The following LRRTM4 variants were observed in gnomAD, a reference collection of about 807,000 sequenced individuals.
LRRTM4 encodes the protein leucine rich repeat transmembrane neuronal 4.
LRRTM4 carries 25 observed loss-of-function variants against 47.6 expected under a neutral mutation model. That is an observed-to-expected ratio of 0.53 (90% CI 0.38 to 0.73). LRRTM4 has a LOEUF of 0.73. LRRTM4 is among the 30% of genes least tolerant of loss of function. The probability of loss-of-function intolerance (pLI) is 0.00; values close to 1 mark genes in which losing one functional copy is unlikely to be tolerated. For missense variants in LRRTM4, 638 were observed against 713.4 expected (o/e 0.89, Z 1.20); for synonymous variants, 311 against 269.5 (o/e 1.15, Z -1.51).
intron 3 of LRRTM4, among the ~76,000 whole-genome samples, chr2:77,161,350 T>C (rs951612464): frequency 3.3e-5 from 5 of 152,138 alleles, no homozygotes; most frequent in African/African-American, 1.2e-4. Flanking sequence ...TAACACAGCA[T>C]CCATTCCCTA....
intron 3 of LRRTM4, among the ~76,000 whole-genome samples, chr2:77,136,580 C>G (rs938387105): frequency 1.3e-5 from 2 of 152,176 alleles, no homozygotes; most frequent in African/African-American, 4.8e-5. Flanking sequence ...TCTCCCCTTC[C>G]AAAGGAACGC....
chr2:77,276,765 A>T (rs1443965521), intron 3 of LRRTM4, among the ~76,000 whole-genome samples: 1 of 132,152 alleles, frequency 7.6e-6, no homozygotes, highest in Admixed American at 8.6e-5. Context: ...TTTATTTCTA[A>T]CCCTAGCTGC....
chr2:77,465,437 G>C (rs545114740), intron 3 of LRRTM4, among the ~76,000 whole-genome samples: 1 of 152,076 alleles, frequency 6.6e-6, no homozygotes, highest in Non-Finnish European at 1.5e-5. Context: ...TTTCCTGTAG[G>C]GAGAAAAGTG....
intron 3 of LRRTM4, among the ~76,000 whole-genome samples, chr2:77,322,348 G>A (rs987347627): frequency 4.6e-5 from 7 of 152,044 alleles, no homozygotes; most frequent in Non-Finnish European, 1.0e-4. Flanking sequence ...TAACATAGTT[G>A]ACATGAAGAC....
rs187470142 is a variant in LRRTM4, at chr2:76,957,586, A to G, written c.1552-208670T>C. Among the ~76,000 whole-genome samples the G allele has an allele frequency of 4.2e-3, 634 of 151,872 alleles. 2 individuals carry two copies. The highest frequency in any genetic ancestry group is 6.8e-3 in the Middle Eastern group (2 of 294). On this transcript the variant is annotated intron_variant, in intron 3 of 3. Coordinates refer to ENST00000409884, the MANE Select transcript of LRRTM4 (RefSeq NM_001134745.3). ...ATTTCAAGAAGAATCCCTGTTTTCTATTCCAGAATTATTTTTCAATCTTTA... is the reference window on the plus strand; with the variant it reads ...ATTTCAAGAAGAATCCCTGTTTTCTGTTCCAGAATTATTTTTCAATCTTTA...
At chr2:77,304,754 C>T (rs969552078) in intron 3 of LRRTM4, among the ~76,000 whole-genome samples, 1 of 152,058 alleles carries the variant, frequency 6.6e-6, no homozygotes, top group African/African-American at 2.4e-5. Flanking sequence ...ATCTCATTTA[C>T]TCTTAAACCA....
At chr2:76,811,859 C>T (rs912778055) in intron 3 of LRRTM4, among the ~76,000 whole-genome samples, 12 of 152,140 alleles carry the variant, frequency 7.9e-5, no homozygotes, top group African/African-American at 2.9e-4. Flanking sequence ...TAGAAATTTG[C>T]AGGGATGAAG....
rs1678901718 is a variant in LRRTM4 at position 77,509,485 on chromosome 2, T to C, written c.1551+8833A>G. The stretch of plus-strand genomic sequence containing the variant: ...GCCAGCTCTGGTACCCAAACTAAAT[T>C]ACAGCTCAGACAAGGGACGGAAAGG... On this transcript the variant is annotated intron_variant, in intron 3 of 3. Coordinates refer to ENST00000409884, the MANE Select transcript of LRRTM4 (RefSeq NM_001134745.3). 3.3e-5 allele frequency among the ~76,000 whole-genome samples: 5 copies of C among 152,030 alleles called. No individual in the cohort carries two copies. In the South Asian group the frequency reaches 8.3e-4, roughly 25 times the overall value.
At chr2:76,942,218 T>C (rs985090011) in intron 3 of LRRTM4, among the ~76,000 whole-genome samples, 1 of 152,080 alleles carries the variant, frequency 6.6e-6, no homozygotes, top group Non-Finnish European at 1.5e-5. Flanking sequence ...GCCCCTTGTC[T>C]GATGGATAGA....
chr2:77,280,287 A>T (rs1396041947), intron 3 of LRRTM4, among the ~76,000 whole-genome samples: 1 of 152,012 alleles, frequency 6.6e-6, no homozygotes, highest in East Asian at 1.9e-4. Flanking sequence ...CCTCCCGAAG[A>T]AATGTGGACT....
intron 3 of LRRTM4, among the ~76,000 whole-genome samples, chr2:76,982,985 T>C (rs1573401541): frequency 6.6e-6 from 1 of 152,208 alleles, no homozygotes; most frequent in Middle Eastern, 3.4e-3. Flanking sequence ...GAAGATCTGA[T>C]AGTTATATGA....
chr2:77,072,811 A>AAAC (rs1553382318), intron 3 of LRRTM4, among the ~76,000 whole-genome samples: 9 of 151,254 alleles, frequency 6.0e-5, no homozygotes, highest in African/African-American at 2.2e-4. Context: ...AAAAAAAAAA[A>AAAC]AAAAAAAAAA....
At chr2:77,222,535 A>G (rs987638518) in intron 3 of LRRTM4, among the ~76,000 whole-genome samples, 1 of 152,236 alleles carries the variant, frequency 6.6e-6, no homozygotes, top group African/African-American at 2.4e-5. Context: ...ATCACCGCCA[A>G]TCCCACAGAA....
intron 3 of LRRTM4, among the ~76,000 whole-genome samples, chr2:77,328,792 A>G (rs1021931124): frequency 1.6e-4 from 25 of 152,178 alleles, no homozygotes; most frequent in African/African-American, 6.0e-4. Context: ...CTATAGGCAC[A>G]TAAATTGAAA....
intron 3 of LRRTM4, among the ~76,000 whole-genome samples, chr2:77,237,679 A>C (rs1177163085): frequency 6.6e-6 from 1 of 152,162 alleles, no homozygotes; most frequent in Non-Finnish European, 1.5e-5. Flanking sequence ...AATAAGATTC[A>C]GAATCACATA....
chr2:77,409,243 A>G (rs1674329588), intron 3 of LRRTM4, among the ~76,000 whole-genome samples: 1 of 152,090 alleles, frequency 6.6e-6, no homozygotes, highest in Non-Finnish European at 1.5e-5. Context: ...GTCTTAATCC[A>G]TCTGTGCTGC....
At chr2:77,332,184 A>G (rs1042246883) in intron 3 of LRRTM4, among the ~76,000 whole-genome samples, 1 of 152,178 alleles carries the variant, frequency 6.6e-6, no homozygotes, top group African/African-American at 2.4e-5. Flanking sequence ...ATCTAGTAAA[A>G]GACAAAACAA....
intron 3 of LRRTM4, among the ~76,000 whole-genome samples, chr2:76,955,016 T>G (rs1423575940): frequency 6.6e-6 from 1 of 151,778 alleles, no homozygotes; most frequent in East Asian, 1.9e-4. Flanking sequence ...ACAAAGACTT[T>G]TCCAGGAAAA....
intron 3 of LRRTM4, among the ~76,000 whole-genome samples, chr2:77,343,036 T>C (rs1032471980): frequency 1.4e-4 from 22 of 152,088 alleles, no homozygotes; most frequent in African/African-American, 5.3e-4. Context: ...AGTAAGACAG[T>C]TTGAAGTTGG....
Sources: allele counts gnomAD v4.1 joint callset (sites outside exome capture counted in the v4.1 genomes callset), GRCh38; gene constraint gnomAD v4.1.1; transcripts MANE v1.5; gene names NCBI Gene and HGNC (gene_info 2026-07-23, HGNC 2026-07-21).